Variants in SLC22A23 observed in about 807,000 individuals in gnomAD.
SLC22A23 encodes ion transporter protein.
In SLC22A23, 26 loss-of-function variants were observed where a neutral mutation model predicts 61.0. The observed-to-expected ratio is 0.43, with a 90% CI of 0.31 to 0.59. SLC22A23 has a LOEUF of 0.59. SLC22A23 is among the 20% of genes least tolerant of loss of function. The probability of loss-of-function intolerance (pLI) is 0.11; values close to 1 mark genes in which losing one functional copy is unlikely to be tolerated. For missense variants in SLC22A23, 796 were observed against 934.7 expected, an observed-to-expected ratio of 0.85 and a Z score of 1.94; for synonymous variants, 430 against 413.9, an observed-to-expected ratio of 1.04 and a Z score of -0.47.
chr6:3,373,859 G>A (rs1766385214), intron 3 of SLC22A23, among the ~76,000 whole-genome samples: 1 of 152,208 alleles, frequency 6.6e-6, no homozygotes, highest in South Asian at 2.1e-4. Context: ...CAGTAACAGT[G>A]AACAGTGGAC....
chr6:3,386,861 C>G lies in SLC22A23; in HGVS notation c.913+23327G>C, dbSNP rs1416850665. 1.3e-5 allele frequency among the ~76,000 whole-genome samples: 2 copies of G among 152,186 alleles called. No homozygotes were observed. Among genetic ancestry groups the G allele is most frequent in the Non-Finnish European group, 2.9e-5 (2 of 68,012 alleles). On this transcript the variant is annotated intron_variant, in intron 3 of 9. Transcript: ENST00000406686. This position sits in a 1 kb window ranked among gnomAD's most constrained non-coding sequence, Gnocchi z 4.4. The stretch of plus-strand genomic sequence containing the variant: ...GGAACAAGGACTTGCTTCCACAGGG[C>G]CGGCACCCCAGGGCGGGGCAGGCAC...
chr6:3,291,843 A>G (rs550199554), intron 5 of SLC22A23: 3 of 152,344 alleles, frequency 2.0e-5, no homozygotes, highest in South Asian at 2.1e-4. Context: ...GCAAGTCCAT[A>G]TAAGTTTAAA....
chr6:3,301,558 T>C (rs900695367), intron 4 of SLC22A23, among the ~76,000 whole-genome samples: 1 of 152,198 alleles, frequency 6.6e-6, no homozygotes, highest in Non-Finnish European at 1.5e-5. Flanking sequence ...CGGAACTCCA[T>C]GGCAGGAAAT....
In SLC22A23 at chr6:3,322,823, G is replaced by T. The variant is rs910107204; in HGVS notation, c.1082+1011C>A. 5.3e-5 allele frequency among the ~76,000 whole-genome samples: 8 copies of T among 152,180 alleles called. No individual in the cohort carries two copies. The highest frequency in any genetic ancestry group is 1.3e-4 in the Admixed American group (2 of 15,284). ...CCTTAAAGCAAGGACAAGACTGACT[G>T]CACGGCCAGAAATTTGGTTTTCATT... On this transcript the variant is annotated intron_variant, in intron 4 of 9. Transcript: ENST00000406686. This position sits in a 1 kb window ranked among gnomAD's most constrained non-coding sequence, Gnocchi z 4.1.
chr6:3,447,269 T>C lies in SLC22A23; in HGVS notation c.654+8637A>G, dbSNP rs116451028. Among the ~76,000 whole-genome samples the C allele has an allele frequency of 1.2e-3, 178 of 152,310 alleles. 1 individual carries two copies. The highest frequency in any genetic ancestry group is 4.2e-3 in the African/African-American group (174 of 41,570). ...ACACATCTCTCCTCTTTTGCCTCTC[T>C]CTCTACCTCCTACTCAAACCTCAGC... On this transcript the variant is annotated intron_variant, in intron 1 of 9. Coordinates refer to ENST00000406686, the MANE Select transcript of SLC22A23 (RefSeq NM_015482.2).
At chr6:3,447,847 C>T (rs1357082662) in intron 1 of SLC22A23, among the ~76,000 whole-genome samples, 1 of 148,692 alleles carries the variant, frequency 6.7e-6, no homozygotes, top group Non-Finnish European at 1.5e-5. Context: ...CTCGGCCTCC[C>T]AAAGTGCTGG....
Position 3,333,024 on chromosome 6 carries a change from C to T in SLC22A23, c.914-9022G>A, listed in dbSNP as rs1353982816. Among the ~76,000 whole-genome samples the T allele has an allele frequency of 6.6e-6, 1 of 152,128 alleles. No homozygotes were observed. Among genetic ancestry groups the T allele is most frequent in the Non-Finnish European group, 1.5e-5 (1 of 68,024 alleles). ...TGGAAGAGCGTATCGCAGCTGGTGC[C>T]TGTGCGTCACGGTGCTGCCCCGCAG... is the stretch of plus-strand genomic sequence containing the variant. On this transcript the variant is annotated intron_variant, in intron 3 of 9. Coordinates refer to ENST00000406686, the MANE Select transcript of SLC22A23 (RefSeq NM_015482.2). This position sits in a 1 kb window ranked among gnomAD's most constrained non-coding sequence, Gnocchi z 4.1.
Position 3,456,299 on chromosome 6 carries a change from G to A in SLC22A23, c.261C>T (p.Phe87=), listed in dbSNP as rs1001604294. 63 of 1,550,784 alleles carry A rather than the reference G, an allele frequency of 4.1e-5. No homozygotes were observed. Among genetic ancestry groups the A allele is most frequent in the Middle Eastern group, 3.3e-4 (2 of 6,014 alleles). Residue 87 remains phenylalanine, a synonymous_variant, in exon 1 of 10, where the codon TTC becomes TTT. Transcript: ENST00000406686. The surrounding 1 kb of genome is among the most constrained non-coding windows in gnomAD (Gnocchi z 7.1). ...LLDYDGSVLP[F]LGGLGGGYQK... The stretch of plus-strand genomic sequence containing the variant: ...GATAGCCCCCGCCCAGGCCCCCGAG[G>A]AAGGGCAGCACCGACCCGTCATAGT...
intron 4 of SLC22A23, among the ~76,000 whole-genome samples, chr6:3,302,162 T>A (rs146791059): frequency 6.6e-6 from 1 of 152,240 alleles, no homozygotes; most frequent in Non-Finnish European, 1.5e-5. Context: ...GGCTCAATCA[T>A]GGTAGGTTGT....
intron 1 of SLC22A23, among the ~76,000 whole-genome samples, chr6:3,442,970 C>CT (rs1315743924): frequency 3.3e-5 from 5 of 152,332 alleles, no homozygotes; most frequent in South Asian, 2.1e-4. Context: ...AAATGGAAGA[C>CT]TGCTCCCTGG....
At chr6:3,426,319 C>T (rs1221056814) in intron 1 of SLC22A23, among the ~76,000 whole-genome samples, 1 of 152,188 alleles carries the variant, frequency 6.6e-6, no homozygotes, top group Non-Finnish European at 1.5e-5. Flanking sequence ...CCATACCAGA[C>T]TGCCGTGGAA....
At position 3,387,090 on chromosome 6, in the gene SLC22A23, T is replaced by C. The variant is rs994661014; in HGVS notation, c.913+23098A>G. ...TGAGGAGTGAGGAGGTAAACAGCAG[T>C]GTACCTAGCCACATGGATTATCTGC... On this transcript the variant is annotated intron_variant, in intron 3 of 9. Coordinates refer to ENST00000406686, the MANE Select transcript of SLC22A23 (RefSeq NM_015482.2). The surrounding 1 kb of genome is among the most constrained non-coding windows in gnomAD (Gnocchi z 5.0). Among the ~76,000 whole-genome samples, 6 of 152,242 alleles carry C rather than the reference T, an allele frequency of 3.9e-5. No individual in the cohort carries two copies. The highest frequency in any genetic ancestry group is 3.9e-4 in the Admixed American group (6 of 15,286).
At position 3,366,354 on chromosome 6, in the gene SLC22A23, A is replaced by AAAAAAAAG. The variant is rs1765830673; in HGVS notation, c.914-42353_914-42352insCTTTTTTT. Among the ~76,000 whole-genome samples the AAAAAAAAG allele has an allele frequency of 3.4e-4, 27 of 78,468 alleles. No individual in the cohort carries two copies. The South Asian group carries it at 4.9e-3, about 14-fold the overall frequency. The allele number at this position is 78,468 out of a possible 152,430, so 51.5% of individuals were successfully genotyped here. A position where few individuals can be genotyped will look rare whatever the true frequency, so the allele number is the denominator to read the frequency against. On this transcript the variant is annotated intron_variant, in intron 3 of 9. Transcript: ENST00000406686. ...TCTCAAAAAAAAAAAAAAAAAAAAA[A>AAAAAAAAG]AAAGAAAGAAAGAAAGAAAGAGAAG...
intron 3 of SLC22A23, among the ~76,000 whole-genome samples, chr6:3,402,902 G>A (rs895395500): frequency 1.3e-5 from 2 of 152,240 alleles, no homozygotes; most frequent in South Asian, 4.1e-4. Flanking sequence ...TGTTCATGGA[G>A]CAAATGAGCA....
intron 3 of SLC22A23, among the ~76,000 whole-genome samples, chr6:3,344,258 A>G (rs559509921): frequency 6.6e-6 from 1 of 152,362 alleles, no homozygotes; most frequent in African/African-American, 2.4e-5. Flanking sequence ...AGCATTCTCA[A>G]TGACATGTAA....
intron 4 of SLC22A23, among the ~76,000 whole-genome samples, chr6:3,303,849 CAAA>C (rs2127366479): frequency 6.6e-6 from 1 of 152,312 alleles, no homozygotes; most frequent in South Asian, 2.1e-4. Context: ...GTTCCCAACA[CAAA>C]GAAATGATAA....
intron 9 of SLC22A23, among the ~76,000 whole-genome samples, chr6:3,275,174 A>G (rs761627263): frequency 2.0e-5 from 3 of 152,220 alleles, no homozygotes; most frequent in Non-Finnish European, 4.4e-5. Context: ...CTTCACATTT[A>G]TGGTCAACTG....
chr6:3,412,715 C>T (rs1003150723), intron 2 of SLC22A23, among the ~76,000 whole-genome samples: 10 of 152,026 alleles, frequency 6.6e-5, no homozygotes, highest in African/African-American at 2.4e-4. Flanking sequence ...GCTTAAGGAC[C>T]CTGAGATGAG....
At chr6:3,388,769 T>C (rs1360558120) in intron 3 of SLC22A23, among the ~76,000 whole-genome samples, 3 of 152,136 alleles carry the variant, frequency 2.0e-5, no homozygotes, top group Non-Finnish European at 4.4e-5. Flanking sequence ...CGAGCTGCAG[T>C]GTGATGAACC....
Sources: gnomAD v4.1 joint callset for allele counts (sites outside exome capture counted in the v4.1 genomes callset) on GRCh38, gnomAD v4.1.1 for gene constraint, Gnocchi (gnomAD v3.1) non-coding constraint, MANE v1.5 for transcripts, NCBI Gene and HGNC (gene_info 2026-07-23, HGNC 2026-07-21) for gene names.